The following IGFL2 variants were observed in gnomAD, a reference collection of about 807,000 sequenced individuals.
IGFL2 encodes the protein insulin growth factor-like family member 2.
A neutral mutation model predicts 13.9 loss-of-function variants in IGFL2; 7 were observed. The observed-to-expected ratio is 0.51, with a 90% confidence interval of 0.29 to 0.95. IGFL2 has a LOEUF of 0.95. Ranked by LOEUF, IGFL2 falls within the 40% of genes least tolerant of loss-of-function variation. The pLI is 0.08. For missense variants in IGFL2, 138 were observed against 147.8 expected (o/e 0.93, Z 0.34); for synonymous variants, 55 against 55.8 (o/e 0.99, Z 0.07).
chr19:46,211,511 T>A, the IGFL2 span: 1 of 152,128 alleles, frequency 6.6e-6, no homozygotes, highest in Non-Finnish European at 1.5e-5. Flanking sequence ...ATTCCTTCTA[T>A]TTTTTCCTGG....
chr19:46,126,116 C>G, the IGFL2 span, among the ~76,000 whole-genome samples: 1 of 151,292 alleles, frequency 6.6e-6, no homozygotes, highest in Non-Finnish European at 1.5e-5. Context: ...AAGATGCAAT[C>G]TCATCACTTA....
the IGFL2 span, among the ~76,000 whole-genome samples, chr19:46,091,049 A>G: frequency 6.6e-6 from 1 of 152,158 alleles, no homozygotes. Context: ...TCTTCAATGC[A>G]TCTTTTCTTA....
At chr19:46,093,246 A>G in the IGFL2 span, among the ~76,000 whole-genome samples, 1 of 152,184 alleles carries the variant, frequency 6.6e-6, no homozygotes, top group South Asian at 2.1e-4. Flanking sequence ...TATAAAATGC[A>G]TCTGTTAATA....
chr19:46,107,100 G>A, the IGFL2 span, among the ~76,000 whole-genome samples: 25 of 152,174 alleles, frequency 1.6e-4, no homozygotes, highest in Admixed American at 5.2e-4. Context: ...TGGCACCAGA[G>A]TGGGGGAGTT....
chr19:46,115,149 G>A, the IGFL2 span, among the ~76,000 whole-genome samples: 1 of 152,126 alleles, frequency 6.6e-6, no homozygotes, highest in Admixed American at 6.6e-5. Flanking sequence ...ACTATGTTAT[G>A]TGTATGAAAT....
At chr19:46,155,481 T>C (rs912975805) in intron 1 of IGFL2, among the ~76,000 whole-genome samples, 5 of 152,164 alleles carry the variant, frequency 3.3e-5, no homozygotes, top group Non-Finnish European at 7.3e-5. Context: ...AAACATTTCT[T>C]TATTTGCTGT....
chr19:46,146,294 G>T (rs889397254), upstream of IGFL2, among the ~76,000 whole-genome samples: 1 of 151,816 alleles, frequency 6.6e-6, no homozygotes, highest in African/African-American at 2.4e-5. Flanking sequence ...AACCTATTCT[G>T]TTCCTTTGAT....
At chr19:46,116,529 T>A in the IGFL2 span, among the ~76,000 whole-genome samples, 3 of 152,236 alleles carry the variant, frequency 2.0e-5, no homozygotes, top group Non-Finnish European at 4.4e-5. Context: ...TTGATTAGTA[T>A]TATTCTAATT....
the IGFL2 span, among the ~76,000 whole-genome samples, chr19:46,211,875 G>A: frequency 1.3e-5 from 2 of 151,992 alleles, no homozygotes; most frequent in Non-Finnish European, 2.9e-5. Context: ...AACCTCTGAG[G>A]ACTTGGCATT....
At chr19:46,094,097 T>C in the IGFL2 span, among the ~76,000 whole-genome samples, 1 of 141,262 alleles carries the variant, frequency 7.1e-6, no homozygotes, top group African/African-American at 2.6e-5. Context: ...GATTCTAAAA[T>C]GTGTAAGGAA....
At chr19:46,115,317 C>G in the IGFL2 span, among the ~76,000 whole-genome samples, 6 of 152,152 alleles carry the variant, frequency 3.9e-5, no homozygotes, top group African/African-American at 1.4e-4. Flanking sequence ...AACACAGGCT[C>G]TCTCTTACAG....
chr19:46,078,851 A>C, the IGFL2 span, among the ~76,000 whole-genome samples: 7 of 149,562 alleles, frequency 4.7e-5, no homozygotes, highest in African/African-American at 1.7e-4. Context: ...GTCAGTAGAC[A>C]TCGCGCAGGC....
the IGFL2 span, among the ~76,000 whole-genome samples, chr19:46,119,248 T>C: frequency 2.0e-5 from 3 of 152,094 alleles, no homozygotes; most frequent in Admixed American, 6.5e-5. Flanking sequence ...GTACTACAAG[T>C]GACTGTGGGA....
the IGFL2 span, among the ~76,000 whole-genome samples, chr19:46,105,599 G>A: frequency 1.7e-3 from 256 of 152,300 alleles, no homozygotes; most frequent in African/African-American, 5.6e-3. Context: ...AATGGTAATC[G>A]TTGCAGACTC....
chr19:46,155,368 A>G lies in IGFL2; in HGVS notation c.20-5047A>G, dbSNP rs573657506. On this transcript the variant is annotated intron_variant, in intron 1 of 3. Transcript: ENST00000377693. Reference sequence around the variant, plus strand: ...CGTGACTACCCAGCATAGAGCTTCAATTACACAGAGTTGGCTGGGGATGTG... The same window carrying G: ...CGTGACTACCCAGCATAGAGCTTCAGTTACACAGAGTTGGCTGGGGATGTG... 8.1e-4 allele frequency among the ~76,000 whole-genome samples: 124 copies of G among 152,278 alleles called. 2 individuals carry two copies. The Middle Eastern group carries it at 0.017, about 21-fold the overall frequency.
upstream of IGFL2, chr19:46,147,931 A>G (rs1033026723): frequency 3.7e-6 from 1 of 268,238 alleles, no homozygotes; most frequent in Non-Finnish European, 7.0e-6. Flanking sequence ...ATGCTCTCAG[A>G]TAAGTGAGAG....
chr19:46,121,663 A>T, the IGFL2 span, among the ~76,000 whole-genome samples: 1 of 151,002 alleles, frequency 6.6e-6, no homozygotes, highest in Non-Finnish European at 1.5e-5. Flanking sequence ...GTGAGTAGTA[A>T]AAAGAATTCA....
chr19:46,207,506 C>G, the IGFL2 span: 1 of 152,246 alleles, frequency 6.6e-6, no homozygotes, highest in South Asian at 2.1e-4. Flanking sequence ...TTCAGCCTCC[C>G]GAGTAGCTGG....
At chr19:46,081,444 G>C in the IGFL2 span, among the ~76,000 whole-genome samples, 1 of 152,120 alleles carries the variant, frequency 6.6e-6, no homozygotes, top group Non-Finnish European at 1.5e-5. Flanking sequence ...CCTTATTTGA[G>C]TTTCATCAGT....
Sources: gnomAD v4.1 joint callset for allele counts (sites outside exome capture counted in the v4.1 genomes callset) on GRCh38, gnomAD v4.1.1 for gene constraint, MANE v1.5 for transcripts, NCBI Gene and HGNC (gene_info 2026-07-23, HGNC 2026-07-21) for gene names.